Variants in PREP observed in about 807,000 individuals in gnomAD.
PREP encodes prolyl endopeptidase, also known as dJ355L5.1 (prolyl endopeptidase).
Under a neutral mutation model 87.6 loss-of-function variants are expected in PREP, and 29 were observed. The observed-to-expected ratio is 0.33, with a 90% CI of 0.25 to 0.45. PREP has a LOEUF of 0.45. Ranked by LOEUF, PREP falls within the 20% of genes least tolerant of loss-of-function variation. The pLI is 1.00. For missense variants in PREP, 695 were observed against 886.5 expected, an observed-to-expected ratio of 0.78 and a Z score of 2.74; for synonymous variants, 337 against 328.6, an observed-to-expected ratio of 1.03 and a Z score of -0.28.
chr6:105,342,993 C>G (rs890028177), intron 7 of PREP, among the ~76,000 whole-genome samples: 3 of 152,172 alleles, frequency 2.0e-5, no homozygotes, highest in South Asian at 2.1e-4. Flanking sequence ...ATCAAGCTAC[C>G]AATGACTTTC....
intron 10 of PREP, chr6:105,322,658 A>G: frequency 1.0e-6 from 1 of 990,902 alleles, no homozygotes; most frequent in Non-Finnish European, 1.2e-6. Flanking sequence ...ACCACAGGCA[A>G]TATGTAAACA....
At chr6:105,357,320 TAACATTCACTGC>T (rs940587249) in intron 6 of PREP, among the ~76,000 whole-genome samples, 2 of 152,190 alleles carry the variant, frequency 1.3e-5, no homozygotes, top group African/African-American at 4.8e-5. Context: ...GATAGGGCAG[TAACATTCACTGC>T]AAGAACCACA....
chr6:105,393,074 A>G (rs958851807), intron 2 of PREP, among the ~76,000 whole-genome samples: 4 of 152,264 alleles, frequency 2.6e-5, no homozygotes, highest in Non-Finnish European at 5.9e-5. Flanking sequence ...AGAGCAGAAA[A>G]GCAGCATGAA....
chr6:105,324,267 G>T (rs116295140), intron 9 of PREP, among the ~76,000 whole-genome samples: 9 of 152,086 alleles, frequency 5.9e-5, no homozygotes, highest in African/African-American at 2.2e-4. Flanking sequence ...CCTGCTACCT[G>T]GCACCTACCT....
chr6:105,321,057 T>G (rs998896976), intron 10 of PREP, among the ~76,000 whole-genome samples: 2 of 152,258 alleles, frequency 1.3e-5, no homozygotes, highest in African/African-American at 4.8e-5. Context: ...AATGATGTTG[T>G]GACATCATAT....
chr6:105,388,657 T>C (rs1237727034), intron 2 of PREP, among the ~76,000 whole-genome samples: 4 of 152,202 alleles, frequency 2.6e-5, no homozygotes, highest in African/African-American at 9.6e-5. Context: ...GTAATAAAGC[T>C]AAACATTCCC....
At chr6:105,294,856 T>A (rs569863455) in intron 10 of PREP, among the ~76,000 whole-genome samples, 39 of 152,332 alleles carry the variant, frequency 2.6e-4, no homozygotes, top group Admixed American at 1.1e-3. Flanking sequence ...ATGAAGACGT[T>A]CAGTTCTTTA....
intron 10 of PREP, among the ~76,000 whole-genome samples, chr6:105,295,459 CCT>C (rs1770389626): frequency 6.6e-6 from 1 of 152,010 alleles, no homozygotes. Flanking sequence ...TATGTATCAC[CCT>C]GTCTGCCTCT....
At chr6:105,318,308 A>G (rs1770924488) in intron 10 of PREP, among the ~76,000 whole-genome samples, 1 of 152,176 alleles carries the variant, frequency 6.6e-6, no homozygotes, top group Non-Finnish European at 1.5e-5. Flanking sequence ...ACATCTTTAT[A>G]AGCCAGCTGA....
chr6:105,326,325 C>T (rs1771158117), intron 9 of PREP, among the ~76,000 whole-genome samples: 1 of 152,158 alleles, frequency 6.6e-6, no homozygotes, highest in East Asian at 1.9e-4. Context: ...CCGGTTCAAC[C>T]ACTAAGTGGT....
At chr6:105,397,051 G>A (rs1167323348) in intron 2 of PREP, among the ~76,000 whole-genome samples, 1 of 151,942 alleles carries the variant, frequency 6.6e-6, no homozygotes, top group Non-Finnish European at 1.5e-5. Flanking sequence ...CGGGTGTGGT[G>A]GCACATGCCT....
At chr6:105,338,899 C>T (rs895752185) in intron 7 of PREP, among the ~76,000 whole-genome samples, 6 of 152,230 alleles carry the variant, frequency 3.9e-5, no homozygotes, top group Non-Finnish European at 8.8e-5. Context: ...GTAACTCAAA[C>T]TGGGTAAAGC....
intron 10 of PREP, among the ~76,000 whole-genome samples, chr6:105,295,293 C>T (rs1224572007): frequency 6.6e-6 from 1 of 151,956 alleles, no homozygotes; most frequent in African/African-American, 2.4e-5. Flanking sequence ...TCTGCAACCC[C>T]AGAGAAAGGA....
chr6:105,373,642 C>T (rs1772615599), intron 4 of PREP, 64 bp from the exon 5 acceptor site: 3 of 1,424,266 alleles, frequency 2.1e-6, no homozygotes, highest in African/African-American at 2.9e-5. Flanking sequence ...GTCCTTTATG[C>T]CATCTAACAA....
chr6:105,368,274 T>A (rs990246092), intron 6 of PREP, among the ~76,000 whole-genome samples: 2 of 152,218 alleles, frequency 1.3e-5, no homozygotes, highest in African/African-American at 4.8e-5. Context: ...AGGAATGAAC[T>A]AACCAGAGTC....
chr6:105,321,235 C>T (rs1421108491), intron 10 of PREP, among the ~76,000 whole-genome samples: 1 of 152,212 alleles, frequency 6.6e-6, no homozygotes, highest in African/African-American at 2.4e-5. Context: ...AAATGAAGAG[C>T]AACGCATTAA....
At chr6:105,369,085 C>A in intron 5 of PREP, 61 bp from the exon 6 acceptor site, 1 of 1,571,992 alleles carries the variant, frequency 6.4e-7, no homozygotes, top group South Asian at 1.1e-5. Context: ...ATCAATTCCA[C>A]CCATATTGCA....
intron 6 of PREP, among the ~76,000 whole-genome samples, chr6:105,367,328 A>G (rs1184604888): frequency 1.3e-5 from 2 of 152,198 alleles, no homozygotes; most frequent in African/African-American, 2.4e-5. Flanking sequence ...CAGAAAAGCC[A>G]TTAAAAACAA....
intron 10 of PREP, among the ~76,000 whole-genome samples, chr6:105,323,435 C>CAA (rs1771068521): frequency 6.6e-6 from 1 of 152,172 alleles, no homozygotes; most frequent in Non-Finnish European, 1.5e-5. Flanking sequence ...AGCTTCCTGT[C>CAA]AAGAGTAGCA....
Sources: gnomAD v4.1 joint callset for allele counts (sites outside exome capture counted in the v4.1 genomes callset) on GRCh38, gnomAD v4.1.1 for gene constraint, MANE v1.5 for transcripts, NCBI Gene and HGNC (gene_info 2026-07-23, HGNC 2026-07-21) for gene names.